The following ATP11A variants were observed in gnomAD, a reference collection of about 807,000 sequenced individuals.
The protein encoded by ATP11A is ATPase phospholipid transporting 11A, also known as phospholipid-transporting ATPase IH.
A neutral mutation model predicts 154.4 loss-of-function variants in ATP11A; 81 were observed. The observed-to-expected ratio is 0.52, with a 90% CI of 0.44 to 0.63. The LOEUF (loss-of-function observed/expected upper bound fraction) is 0.63. ATP11A is among the 30% of genes least tolerant of loss of function. The pLI, the probability that ATP11A is intolerant of heterozygous loss-of-function variation, is 0.00. For synonymous variants in ATP11A, 623 were observed against 585.9 expected (o/e 1.06, Z -0.91); for missense variants, 1,316 against 1,474.3 (o/e 0.89, Z 1.76).
intron 1 of ATP11A, among the ~76,000 whole-genome samples, chr13:112,717,976 C>T (rs776077248): frequency 3.9e-5 from 6 of 152,074 alleles, no homozygotes; most frequent in South Asian, 2.1e-4. Context: ...ACTCGGGAGC[C>T]GAGTCAGGAG....
chr13:112,761,294 C>A (rs1395288805), intron 1 of ATP11A, among the ~76,000 whole-genome samples: 1 of 152,146 alleles, frequency 6.6e-6, no homozygotes, highest in Non-Finnish European at 1.5e-5. Context: ...AGTGAAAGTT[C>A]TCGACTTAAT....
intron 1 of ATP11A, among the ~76,000 whole-genome samples, chr13:112,718,671 C>CTTTT (rs35646090): frequency 1.5e-5 from 2 of 134,678 alleles, no homozygotes; most frequent in Non-Finnish European, 3.1e-5. Context: ...GCAGGCTGCA[C>CTTTT]TTTTTTTTTT....
chr13:112,740,628 C>T (rs912213875), intron 1 of ATP11A, among the ~76,000 whole-genome samples: 3 of 152,170 alleles, frequency 2.0e-5, no homozygotes, highest in African/African-American at 2.4e-5. Flanking sequence ...AAGACCTGCA[C>T]GGAGAAGAGA....
chr13:112,860,637 A>G (rs2140359015), intron 24 of ATP11A: 1 of 502,212 alleles, frequency 2.0e-6, no homozygotes, highest in Non-Finnish European at 3.5e-6. Context: ...CATTTGGAAC[A>G]TCTGTGTGGA....
rs763249241 is a variant in ATP11A, at chr13:112,851,134, A to G, written c.1907A>G (p.Gln636Arg). ...KLLQAAKVAL[Q>R]DREKKLAEAY... is the part of the protein sequence containing the mutation. ...CTGCAGGCTGCCAAAGTGGCCCTTC[A>G]AGATCGAGAGAAAAAGTTAGCAGAA... The change falls in exon 18 of 30, where the codon CAA (glutamine) becomes CGA (arginine). Residue 636 changes from glutamine to arginine, a missense_variant. Transcript: ENST00000375645. 3 of 1,614,128 alleles carry G rather than the reference A, an allele frequency of 1.9e-6. No individual in the cohort carries two copies. Among genetic ancestry groups the G allele is most frequent in the Non-Finnish European group, 1.7e-6 (2 of 1,180,046 alleles).
intron 8 of ATP11A, among the ~76,000 whole-genome samples, chr13:112,822,470 C>T (rs181080054): frequency 1.5e-4 from 23 of 152,260 alleles, no homozygotes; most frequent in African/African-American, 5.3e-4. Flanking sequence ...ATGTCCCCCC[C>T]ATTCAGAGGA....
In ATP11A at chr13:112,819,370, A is replaced by G; in HGVS notation, c.637A>G (p.Thr213Ala). ...GGAGGATATCGGCGGACTTCACGCC[A>G]CCATCGAGTGTGAGCAGCCCCAGCC... The part of the protein sequence containing the change: ...TEEDIGGLHA[T>A]IECEQPQPDL... The change falls in exon 7 of 30, where the codon ACC becomes GCC. Residue 213 changes from threonine (T) to alanine (A), a missense_variant. This residue lies in a region of ATP11A where 876 missense variants were observed against 1,006.8 expected (regional missense o/e 0.87). Coordinates refer to ENST00000375645, the MANE Select transcript of ATP11A (RefSeq NM_015205.3). 1 of 1,614,222 alleles carries G rather than the reference A, an allele frequency of 6.2e-7. No homozygotes were observed. Among genetic ancestry groups the G allele is most frequent in the Non-Finnish European group, 8.5e-7 (1 of 1,180,048 alleles).
At chr13:112,698,253 C>T (rs2139474393) in intron 1 of ATP11A, among the ~76,000 whole-genome samples, 1 of 152,248 alleles carries the variant, frequency 6.6e-6, no homozygotes, top group Non-Finnish European at 1.5e-5. Context: ...AGGGTCGGTG[C>T]TCTCCACTGG....
intron 29 of ATP11A, chr13:112,881,345 C>T: frequency 9.9e-7 from 1 of 1,012,260 alleles, no homozygotes; most frequent in Non-Finnish European, 1.2e-6. Context: ...GGGATGCAAG[C>T]TGGGCACGTC....
At chr13:112,779,048 G>A (rs1006398091) in intron 1 of ATP11A, among the ~76,000 whole-genome samples, 1 of 136,276 alleles carries the variant, frequency 7.3e-6, no homozygotes, top group Non-Finnish European at 1.6e-5. Context: ...GTAGCCGCTG[G>A]AGTGAGTAGC....
In ATP11A at chr13:112,785,671, C is replaced by T. The variant is rs1566477856; in HGVS notation, c.162+414C>T. On this transcript the variant is annotated intron_variant, in intron 2 of 29. Coordinates refer to ENST00000375645, the MANE Select transcript of ATP11A (RefSeq NM_015205.3). This position sits in a 1 kb window ranked among gnomAD's most constrained non-coding sequence, Gnocchi z 4.8. ...ACCCCGGAGAAAGAGCCAACAAACG[C>T]AGGCTGGACAGCAAAACCTGGGGGG... Among the ~76,000 whole-genome samples, 2 of 152,180 alleles carry T rather than the reference C, an allele frequency of 1.3e-5. No individual in the cohort carries two copies. The highest frequency in any genetic ancestry group is 2.9e-5 in the Non-Finnish European group (2 of 68,036).
intron 5 of ATP11A, chr13:112,811,647 C>T (rs532318655): frequency 6.6e-6 from 1 of 152,034 alleles, no homozygotes; most frequent in Non-Finnish European, 1.5e-5. Context: ...GCTCTGTCAC[C>T]CAGGCTGGAG....
intron 1 of ATP11A, among the ~76,000 whole-genome samples, chr13:112,758,085 CAG>C (rs1034479948): frequency 5.9e-5 from 9 of 152,228 alleles, no homozygotes; most frequent in Non-Finnish European, 8.8e-5. Context: ...GTTTTTGAGA[CAG>C]AGTCTTGCTC....
intron 1 of ATP11A, among the ~76,000 whole-genome samples, chr13:112,768,388 C>T: frequency 6.6e-6 from 1 of 152,250 alleles, no homozygotes; most frequent in Non-Finnish European, 1.5e-5. Flanking sequence ...GGTGGAGTCT[C>T]AGCTTTGGGG....
intron 12 of ATP11A, among the ~76,000 whole-genome samples, chr13:112,830,253 C>T (rs1455807464): frequency 1.3e-5 from 2 of 152,160 alleles, no homozygotes; most frequent in African/African-American, 4.8e-5. Flanking sequence ...CATTTGTTAT[C>T]TCATTCTTAT....
chr13:112,881,612 A>G (rs1274862359), intron 29 of ATP11A: 2 of 1,186,838 alleles, frequency 1.7e-6, no homozygotes, highest in Non-Finnish European at 2.1e-6. Context: ...TCATTCCTAG[A>G]CAGAGACCCC....
intron 1 of ATP11A, among the ~76,000 whole-genome samples, chr13:112,715,588 C>G (rs1423055753): frequency 4.9e-5 from 5 of 101,928 alleles, no homozygotes; most frequent in Non-Finnish European, 4.3e-5. Context: ...ATCCTCCCTA[C>G]CTGGCTGATC....
chr13:112,834,500 A>G (rs1048215295), intron 14 of ATP11A, 89 bp from the exon 15 acceptor site: 16 of 824,226 alleles, frequency 1.9e-5, no homozygotes, highest in Non-Finnish European at 3.3e-5. Context: ...TTTTGAAAAG[A>G]ACGCTTTACC....
chr13:112,837,448 A>C (rs1281584078), intron 16 of ATP11A, among the ~76,000 whole-genome samples: 1 of 152,218 alleles, frequency 6.6e-6, no homozygotes, highest in Non-Finnish European at 1.5e-5. Context: ...GCCTGCACGC[A>C]TCCCGAACGC....
Sources: allele counts gnomAD v4.1 joint callset (sites outside exome capture counted in the v4.1 genomes callset), GRCh38; gene constraint gnomAD v4.1.1; regional missense constraint gnomAD v4.1.1; non-coding constraint Gnocchi (gnomAD v3.1); transcripts MANE v1.5; gene names NCBI Gene and HGNC (gene_info 2026-07-23, HGNC 2026-07-21).